OR51B5: variants seen among roughly 807,000 people sequenced by gnomAD.
The protein encoded by OR51B5 is olfactory receptor family 51 subfamily B member 5, also known as olfactory receptor 51B5.
For synonymous variants in OR51B5, 186 were observed against 144.8 expected, an observed-to-expected ratio of 1.28 and a Z score of -2.04; for missense variants, 456 against 374.6, an observed-to-expected ratio of 1.22 and a Z score of -1.79.
chr11:5,449,781 T>C (rs1258822807), intron 1 of OR51B5, among the ~76,000 whole-genome samples: 3 of 152,174 alleles, frequency 2.0e-5, no homozygotes, highest in African/African-American at 7.2e-5. Flanking sequence ...GCACATGTGG[T>C]TTAATTTTGC....
At chr11:5,495,833 A>C (rs1851642767) in intron 1 of OR51B5, among the ~76,000 whole-genome samples, 1 of 152,250 alleles carries the variant, frequency 6.6e-6, no homozygotes, top group African/African-American at 2.4e-5. Context: ...ACCGCCTGCA[A>C]AAGACTCACT....
chr11:5,346,628 G>C (rs748992333), upstream of OR51B5, among the ~76,000 whole-genome samples: 1 of 151,288 alleles, frequency 6.6e-6, no homozygotes, highest in Non-Finnish European at 1.5e-5. Context: ...GAGTACAGAA[G>C]GTCTTAGGTA....
Position 5,468,942 on chromosome 11 carries a change from G to C in OR51B5, n.84+36627C>G, listed in dbSNP as rs1444192934. The C allele has an allele frequency of 2.1e-4, 73 of 353,736 alleles. 1 individual carries two copies. Among genetic ancestry groups the C allele is most frequent in the South Asian group, 1.3e-3 (62 of 47,658 alleles). 21.9% of individuals were successfully genotyped at this position (353,736 alleles called of 1,614,324 possible). ...GGCAGTCTCTTCAGGAGGAAGGGAA[G>C]TGGGAATACCATGCAGAAGCTGCGG... On this transcript the variant is annotated intron_variant and non_coding_transcript_variant, in intron 1 of 4. Transcript: ENST00000415970.
At chr11:5,375,849 C>T (rs1849518709) in intron 1 of OR51B5, among the ~76,000 whole-genome samples, 1 of 152,140 alleles carries the variant, frequency 6.6e-6, no homozygotes, top group Admixed American at 6.5e-5. Flanking sequence ...TAGACTCCCA[C>T]ACTTTAATAA....
chr11:5,390,193 G>A, intron 1 of OR51B5: 1 of 1,613,980 alleles, frequency 6.2e-7, no homozygotes, highest in Non-Finnish European at 8.5e-7. Context: ...TATTCTTTGT[G>A]CCCATGATGG....
chr11:5,377,317 A>T (rs1005965769), intron 1 of OR51B5, among the ~76,000 whole-genome samples: 1 of 152,192 alleles, frequency 6.6e-6, no homozygotes, highest in Non-Finnish European at 1.5e-5. Flanking sequence ...ATCTCAAAAT[A>T]ATAAGAGCTA....
At position 5,390,138 on chromosome 11, in the gene OR51B5, G is replaced by T. The variant is rs374323334; in HGVS notation, n.85-43228C>A. ...GGCCTGGCCTCCCAAGAGGAGCAGC[G>T]CCGTGCCTTTCAGACATGCACCGCT... is the stretch of plus-strand genomic sequence containing the variant. On this transcript the variant is annotated intron_variant and non_coding_transcript_variant, in intron 1 of 4. Coordinates refer to the OR51B5 transcript ENST00000415970. The T allele has an allele frequency of 6.5e-5, 105 of 1,613,658 alleles. 1 individual carries two copies. The highest frequency in any genetic ancestry group is 4.9e-4 in the Middle Eastern group (3 of 6,084).
chr11:5,465,313 A>G (rs34135758), intron 1 of OR51B5, among the ~76,000 whole-genome samples: 66,247 of 148,740 alleles, frequency 0.45, 15,667 homozygotes, highest in Non-Finnish European at 0.52. Flanking sequence ...GTGTGAGATG[A>G]TATCTCATTG....
At chr11:5,418,872 T>C (rs1176849086) in intron 1 of OR51B5, among the ~76,000 whole-genome samples, 1 of 41,130 alleles carries the variant, frequency 2.4e-5, no homozygotes, top group East Asian at 8.6e-4. Context: ...GAACTTGAAG[T>C]ATTATAAAAA....
chr11:5,352,532 T>C, intron 1 of OR51B5: 1 of 798,292 alleles, frequency 1.3e-6, no homozygotes, highest in Non-Finnish European at 2.0e-6. Flanking sequence ...GGGAAAGTCA[T>C]TTCAATGAGA....
chr11:5,411,001 C>T (rs531017408), intron 1 of OR51B5, among the ~76,000 whole-genome samples: 52 of 152,152 alleles, frequency 3.4e-4, no homozygotes, highest in African/African-American at 1.2e-3. Flanking sequence ...ATACAGTAAG[C>T]TAAGGTTAAT....
intron 1 of OR51B5, chr11:5,391,934 C>G (rs752194124): frequency 1.3e-5 from 2 of 152,086 alleles, no homozygotes; most frequent in African/African-American, 4.8e-5. Context: ...CCATGTGTGG[C>G]GGTGCACGTC....
At chr11:5,490,906 T>G (rs1164080298) in intron 1 of OR51B5, among the ~76,000 whole-genome samples, 1 of 152,248 alleles carries the variant, frequency 6.6e-6, no homozygotes, top group Non-Finnish European at 1.5e-5. Flanking sequence ...ATTCAGCTAA[T>G]AATTTTTAAA....
chr11:5,486,044 T>C (rs1002630886), intron 1 of OR51B5, among the ~76,000 whole-genome samples: 1 of 152,012 alleles, frequency 6.6e-6, no homozygotes, highest in African/African-American at 2.4e-5. Context: ...AGGGGGGTCA[T>C]CTACAAGGCA....
At chr11:5,429,341 A>G (rs1850498106) in intron 1 of OR51B5, among the ~76,000 whole-genome samples, 1 of 152,174 alleles carries the variant, frequency 6.6e-6, no homozygotes, top group African/African-American at 2.4e-5. Flanking sequence ...GGAAGAACCA[A>G]TCAGTGACTA....
upstream of OR51B5, among the ~76,000 whole-genome samples, chr11:5,345,117 C>T (rs375358437): frequency 6.6e-6 from 1 of 152,234 alleles, no homozygotes; most frequent in East Asian, 1.9e-4. Flanking sequence ...TTACAGACCA[C>T]CACGGAATTT....
At chr11:5,417,379 G>A (rs746406298) in intron 1 of OR51B5, among the ~76,000 whole-genome samples, 19 of 151,986 alleles carry the variant, frequency 1.3e-4, no homozygotes, top group Non-Finnish European at 2.6e-4. Flanking sequence ...AAGGACTTCA[G>A]GTCTAAAACA....
At chr11:5,407,539 C>T (rs188581380) in intron 1 of OR51B5, among the ~76,000 whole-genome samples, 115 of 152,244 alleles carry the variant, frequency 7.6e-4, no homozygotes, top group African/African-American at 2.6e-3. Flanking sequence ...ATTTCTCACC[C>T]GCTTTTGATT....
At chr11:5,376,836 A>T (rs1234851392) in intron 1 of OR51B5, among the ~76,000 whole-genome samples, 2,341 of 148,480 alleles carry the variant, frequency 0.016, 69 homozygotes, top group African/African-American at 0.056. Flanking sequence ...CCAACCAAAA[A>T]GAGTCCAGGA....
Sources: allele counts gnomAD v4.1 joint callset (sites outside exome capture counted in the v4.1 genomes callset), GRCh38; gene constraint gnomAD v4.1.1; transcripts MANE v1.5; gene names NCBI Gene and HGNC (gene_info 2026-07-23, HGNC 2026-07-21).